UNC5D: variants seen among roughly 807,000 people sequenced by gnomAD.
The protein encoded by UNC5D is unc-5 netrin receptor D, also known as netrin receptor UNC5D.
Under a neutral mutation model 105.4 loss-of-function variants are expected in UNC5D, and 39 were observed. The ratio of observed to expected loss-of-function variants is 0.37; its 90% CI spans 0.29 to 0.48. UNC5D has a LOEUF of 0.48. UNC5D is among the 20% of genes least tolerant of loss of function. The probability of loss-of-function intolerance (pLI) is 0.98; values close to 1 mark genes in which losing one functional copy is unlikely to be tolerated. For synonymous variants in UNC5D, 452 were observed against 450.4 expected (o/e 1.00, Z -0.04); for missense variants, 991 against 1,202.4 (o/e 0.82, Z 2.60).
At chr8:35,369,209 C>T (rs899263710) in intron 1 of UNC5D, among the ~76,000 whole-genome samples, 7 of 152,138 alleles carry the variant, frequency 4.6e-5, no homozygotes, top group Non-Finnish European at 1.5e-5. Context: ...TAGTGTCTCT[C>T]CCTAGGAGAT....
intron 1 of UNC5D, among the ~76,000 whole-genome samples, chr8:35,274,863 G>T (rs1245879203): frequency 2.0e-5 from 3 of 152,010 alleles, no homozygotes; most frequent in Non-Finnish European, 4.4e-5. Flanking sequence ...GCCAAGGCAG[G>T]TGGATCACCT....
At chr8:35,414,083 G>A (rs1805379575) in intron 1 of UNC5D, among the ~76,000 whole-genome samples, 2 of 152,038 alleles carry the variant, frequency 1.3e-5, no homozygotes, top group South Asian at 4.1e-4. Flanking sequence ...TGAAAGTGCT[G>A]CTAAGGTTGA....
chr8:35,478,745 G>A (rs895938545), intron 1 of UNC5D, among the ~76,000 whole-genome samples: 2 of 152,112 alleles, frequency 1.3e-5, no homozygotes, highest in Non-Finnish European at 2.9e-5. Context: ...AACATTCTAT[G>A]CTTTTTGATC....
At chr8:35,282,946 T>C (rs1240020681) in intron 1 of UNC5D, among the ~76,000 whole-genome samples, 2 of 152,316 alleles carry the variant, frequency 1.3e-5, no homozygotes, top group South Asian at 2.1e-4. Flanking sequence ...GAAGCATGCA[T>C]ATGTTTCTCT....
chr8:35,654,782 C>T (rs1320050726), intron 4 of UNC5D, among the ~76,000 whole-genome samples: 1 of 152,002 alleles, frequency 6.6e-6, no homozygotes, highest in African/African-American at 2.4e-5. Context: ...ACATACTTTC[C>T]ATGACTTGAG....
intron 1 of UNC5D, among the ~76,000 whole-genome samples, chr8:35,475,151 G>T (rs1316933002): frequency 6.6e-6 from 1 of 151,216 alleles, no homozygotes; most frequent in Non-Finnish European, 1.5e-5. Context: ...CCTTGAACTT[G>T]GAGAAAAGTA....
intron 4 of UNC5D, among the ~76,000 whole-genome samples, chr8:35,649,414 A>G (rs1381543062): frequency 6.6e-6 from 1 of 152,228 alleles, no homozygotes; most frequent in Non-Finnish European, 1.5e-5. Flanking sequence ...GGCTGTAGCC[A>G]GCACTGGATG....
At chr8:35,505,108 T>C (rs1812222432) in intron 1 of UNC5D, among the ~76,000 whole-genome samples, 1 of 152,186 alleles carries the variant, frequency 6.6e-6, no homozygotes, top group East Asian at 1.9e-4. Context: ...TTATTATACA[T>C]CACATGCCTG....
chr8:35,495,732 C>T (rs1489256369), intron 1 of UNC5D, among the ~76,000 whole-genome samples: 1 of 152,074 alleles, frequency 6.6e-6, no homozygotes, highest in Non-Finnish European at 1.5e-5. Context: ...TCTAATTTCA[C>T]AAGTGTGTGC....
At chr8:35,408,505 G>A (rs1303010771) in intron 1 of UNC5D, among the ~76,000 whole-genome samples, 1 of 150,418 alleles carries the variant, frequency 6.6e-6, no homozygotes, top group East Asian at 2.0e-4. Flanking sequence ...AAAATTACAT[G>A]GTGAGCCATA....
At position 35,477,712 on chromosome 8, in the gene UNC5D, G is replaced by T. The variant is rs564256316; in HGVS notation, c.104-71580G>T. Among the ~76,000 whole-genome samples, 7 of 151,970 alleles carry T rather than the reference G, an allele frequency of 4.6e-5. No homozygotes were observed. The South Asian group carries it at 1.5e-3, about 32-fold the overall frequency. On this transcript the variant is annotated intron_variant, in intron 1 of 16. Transcript: ENST00000404895. ...TCTCGTGGCCCCTGAACTTAAGATC[G>T]CATTTTTATTCTGTGATTTTTACCA... is the stretch of plus-strand genomic sequence containing the variant.
At chr8:35,748,504 C>T in intron 11 of UNC5D, 23 bp from the exon 12 acceptor site, 1 of 1,607,890 alleles carries the variant, frequency 6.2e-7, no homozygotes, top group Non-Finnish European at 8.5e-7. Context: ...CTTCTCTCTT[C>T]TATCCTTTTT....
intron 1 of UNC5D, among the ~76,000 whole-genome samples, chr8:35,283,801 T>TAA (rs5890804): frequency 0.79 from 115,433 of 146,572 alleles, 46,134 homozygotes; most frequent in East Asian, 0.99. Context: ...AGACTCCGAA[T>TAA]AAAAAAAAAA....
At chr8:35,455,049 G>A (rs894843641) in intron 1 of UNC5D, among the ~76,000 whole-genome samples, 1 of 151,930 alleles carries the variant, frequency 6.6e-6, no homozygotes, top group African/African-American at 2.4e-5. Flanking sequence ...TCTAGTAGAT[G>A]GAAATTCTTA....
intron 4 of UNC5D, among the ~76,000 whole-genome samples, chr8:35,666,335 A>G (rs1377426400): frequency 6.6e-6 from 1 of 152,144 alleles, no homozygotes; most frequent in African/African-American, 2.4e-5. Flanking sequence ...CATTGGAAAG[A>G]AGTGTCTTCC....
At chr8:35,358,930 T>A (rs1173596871) in intron 1 of UNC5D, among the ~76,000 whole-genome samples, 4 of 152,208 alleles carry the variant, frequency 2.6e-5, no homozygotes, top group Non-Finnish European at 5.9e-5. Context: ...TAAGAATTGG[T>A]ATATTTAAAA....
chr8:35,687,248 C>G (rs1826070459), intron 7 of UNC5D, among the ~76,000 whole-genome samples: 1 of 152,052 alleles, frequency 6.6e-6, no homozygotes, highest in Admixed American at 6.6e-5. Context: ...TCGAGACCAT[C>G]CTGGCTAACA....
intron 1 of UNC5D, among the ~76,000 whole-genome samples, chr8:35,488,605 G>C (rs1045603688): frequency 6.6e-6 from 1 of 152,170 alleles, no homozygotes; most frequent in Non-Finnish European, 1.5e-5. Flanking sequence ...TGGCCCTGAG[G>C]ATACAGCATT....
At chr8:35,410,094 C>G (rs535297509) in intron 1 of UNC5D, among the ~76,000 whole-genome samples, 1 of 151,858 alleles carries the variant, frequency 6.6e-6, no homozygotes, top group Middle Eastern at 3.2e-3. Context: ...CTCCACTTTA[C>G]GTCTTGGATA....
Sources: gnomAD v4.1 joint callset for allele counts (sites outside exome capture counted in the v4.1 genomes callset) on GRCh38, gnomAD v4.1.1 for gene constraint, MANE v1.5 for transcripts, NCBI Gene and HGNC (gene_info 2026-07-23, HGNC 2026-07-21) for gene names.